The following PDHX variants were observed in gnomAD, a reference collection of about 807,000 sequenced individuals.
PDHX encodes the protein pyruvate dehydrogenase complex component X, also known as pyruvate dehydrogenase protein X component, mitochondrial.
Under a neutral mutation model 55.3 loss-of-function variants are expected in PDHX, and 33 were observed. That is an observed-to-expected ratio of 0.60 (90% confidence interval 0.45 to 0.80). PDHX has a LOEUF of 0.80. Among genes scored for constraint, PDHX ranks in the 30% least tolerant of loss-of-function variants. PDHX has a pLI of 0.00. For synonymous variants in PDHX, 226 were observed against 219.4 expected (o/e 1.03, Z -0.27); for missense variants, 622 against 619.9 (o/e 1.00, Z -0.04).
At chr11:34,944,287 T>C (rs975438831) in intron 2 of PDHX, among the ~76,000 whole-genome samples, 41 of 151,972 alleles carry the variant, frequency 2.7e-4, no homozygotes, top group African/African-American at 9.6e-4. Flanking sequence ...TCCTGGCTAA[T>C]TTTTGTATTT....
chr11:34,920,637 CT>C (rs763182303), intron 1 of PDHX, among the ~76,000 whole-genome samples: 3 of 152,056 alleles, frequency 2.0e-5, no homozygotes, highest in Non-Finnish European at 4.4e-5. Flanking sequence ...AATGATTGTT[CT>C]TTTTAGGTAG....
chr11:34,971,736 T>C (rs1051189995), intron 7 of PDHX, among the ~76,000 whole-genome samples: 1 of 152,130 alleles, frequency 6.6e-6, no homozygotes, highest in Non-Finnish European at 1.5e-5. Flanking sequence ...ACCTGTAGTT[T>C]TCTTTTCTGG....
chr11:34,989,716 A>G (rs112848238), intron 9 of PDHX, among the ~76,000 whole-genome samples: 2 of 152,168 alleles, frequency 1.3e-5, no homozygotes, highest in Non-Finnish European at 2.9e-5. Context: ...CAGCTTCTGT[A>G]GCTGAAATAG....
intron 1 of PDHX, among the ~76,000 whole-genome samples, chr11:34,919,094 T>G (rs1565145598): frequency 6.6e-6 from 1 of 152,194 alleles, no homozygotes; most frequent in Non-Finnish European, 1.5e-5. Flanking sequence ...GTGAACCTTT[T>G]GAGGCATGGC....
chr11:34,937,838 C>A (rs1854371488), intron 2 of PDHX, among the ~76,000 whole-genome samples: 1 of 152,150 alleles, frequency 6.6e-6, no homozygotes, highest in South Asian at 2.1e-4. Context: ...AGCCATTATT[C>A]TGGAAGAATA....
At chr11:34,985,560 C>G (rs1203896931) in intron 9 of PDHX, among the ~76,000 whole-genome samples, 2 of 152,144 alleles carry the variant, frequency 1.3e-5, no homozygotes, top group Non-Finnish European at 2.9e-5. Flanking sequence ...AATAGTACAT[C>G]GAATAGGCAA....
In PDHX at chr11:34,931,489, G is replaced by T; in HGVS notation, c.241+5G>T. 6.5e-7 allele frequency: 1 copy of T among 1,529,304 alleles called. No homozygotes were observed. The highest frequency in any genetic ancestry group is 9.0e-7 in the Non-Finnish European group (1 of 1,105,160). The allele number at this position is 1,529,304 out of a possible 1,614,324, so 94.7% of individuals were successfully genotyped here. The stretch of plus-strand genomic sequence containing the variant: ...TGAAATGGCTGAAAAAGGAAGGTGA[G>T]GAGGTACCTTCCTAATGTCCTGTGT... On this transcript the variant is annotated splice_donor_5th_base_variant and intron_variant, in intron 2 of 10. Transcript: ENST00000227868.
At chr11:34,969,342 TTTTC>T (rs1855204831) in intron 6 of PDHX, among the ~76,000 whole-genome samples, 1 of 151,948 alleles carries the variant, frequency 6.6e-6, no homozygotes, top group Non-Finnish European at 1.5e-5. Flanking sequence ...AGGTGGTTTT[TTTTC>T]TTTTTTTTTT....
chr11:34,958,973 A>G (rs1259440430), intron 4 of PDHX, among the ~76,000 whole-genome samples: 5 of 152,246 alleles, frequency 3.3e-5, no homozygotes, highest in African/African-American at 1.2e-4. Context: ...ATTTAGTAAC[A>G]TTGGGCCCAT....
intron 1 of PDHX, among the ~76,000 whole-genome samples, chr11:34,925,322 G>T (rs907233279): frequency 2.0e-5 from 3 of 152,212 alleles, no homozygotes; most frequent in Admixed American, 6.5e-5. Flanking sequence ...TGGATTAAGA[G>T]AGGGGATCCA....
intron 9 of PDHX, among the ~76,000 whole-genome samples, chr11:34,990,746 A>G (rs548715893): frequency 6.6e-6 from 1 of 152,220 alleles, no homozygotes; most frequent in African/African-American, 2.4e-5. Context: ...TTTATAAATA[A>G]CCACATCCAA....
At chr11:34,944,995 A>AAGG (rs1249141251) in intron 2 of PDHX, among the ~76,000 whole-genome samples, 1 of 151,904 alleles carries the variant, frequency 6.6e-6, no homozygotes, top group African/African-American at 2.4e-5. Context: ...CAGTTAGATA[A>AAGG]TCAACTTCTT....
At chr11:34,957,613 T>TAA (rs748682621) in intron 4 of PDHX, 30 bp downstream of exon 4, 60 of 1,264,624 alleles carry the variant, frequency 4.7e-5, no homozygotes, top group Non-Finnish European at 6.3e-5. Context: ...AAGGATGATG[T>TAA]AAAAAAAAAA....
chr11:34,967,303 C>A (rs1301702107), intron 6 of PDHX, among the ~76,000 whole-genome samples: 1 of 152,158 alleles, frequency 6.6e-6, no homozygotes, highest in Non-Finnish European at 1.5e-5. Context: ...CTTTGTTTTA[C>A]AGATTTCCTA....
In PDHX at chr11:34,916,827, G is replaced by C. The variant is rs375574196; in HGVS notation, c.160+12G>C. ...GCAGTGGCTTCGGGGTGAGTGGCCG[G>C]GGCTCGCTCAGCTTCTCTGTGTAGC... is the stretch of plus-strand genomic sequence containing the variant. On this transcript the variant is annotated intron_variant, in intron 1 of 10. Coordinates refer to ENST00000227868, the MANE Select transcript of PDHX (RefSeq NM_003477.3). 2.2e-4 allele frequency: 343 copies of C among 1,559,868 alleles called. 2 individuals are homozygous for C. In the African/African-American group the frequency reaches 4.3e-3, roughly 19 times the overall value.
chr11:34,951,149 C>T (rs1443740709), intron 3 of PDHX, among the ~76,000 whole-genome samples: 17 of 150,118 alleles, frequency 1.1e-4, no homozygotes, highest in African/African-American at 3.2e-4. Context: ...CTCCGCCTCC[C>T]GGGTTCACGC....
At chr11:34,968,736 A>G (rs1000568000) in intron 6 of PDHX, among the ~76,000 whole-genome samples, 6 of 152,208 alleles carry the variant, frequency 3.9e-5, no homozygotes, top group Non-Finnish European at 8.8e-5. Flanking sequence ...TGAGTTGTTT[A>G]TAAGTGTGAA....
At chr11:34,921,910 C>G (rs1853890074) in intron 1 of PDHX, among the ~76,000 whole-genome samples, 1 of 152,204 alleles carries the variant, frequency 6.6e-6, no homozygotes, top group African/African-American at 2.4e-5. Context: ...TTCTAACCAT[C>G]ATAAAAACCC....
chr11:34,968,070 AG>A (rs1237991665), intron 6 of PDHX, among the ~76,000 whole-genome samples: 1 of 152,104 alleles, frequency 6.6e-6, no homozygotes, highest in Non-Finnish European at 1.5e-5. Flanking sequence ...AGGCATTCAA[AG>A]ACCAGCCTGG....
Sources: gnomAD v4.1 joint callset for allele counts (sites outside exome capture counted in the v4.1 genomes callset) on GRCh38, gnomAD v4.1.1 for gene constraint, MANE v1.5 for transcripts, NCBI Gene and HGNC (gene_info 2026-07-23, HGNC 2026-07-21) for gene names.